SRCIN1: variants seen among roughly 807,000 people sequenced by gnomAD.
SRCIN1 encodes SRC kinase signaling inhibitor 1.
SRCIN1 carries 50 observed loss-of-function variants against 116.2 expected under a neutral mutation model. That is an observed-to-expected ratio of 0.43 (90% CI 0.34 to 0.54). SRCIN1 has a LOEUF of 0.54. SRCIN1 is among the 20% of genes least tolerant of loss of function. The probability of loss-of-function intolerance (pLI) is 0.02; values close to 1 mark genes in which losing one functional copy is unlikely to be tolerated. For missense variants in SRCIN1, 1,446 were observed against 1,672.0 expected (o/e 0.86, Z 2.36); for synonymous variants, 736 against 750.0 (o/e 0.98, Z 0.30).
chr17:38,539,453 C>T (rs1382978376), intron 18 of SRCIN1, among the ~76,000 whole-genome samples: 1 of 152,188 alleles, frequency 6.6e-6, no homozygotes, highest in Non-Finnish European at 1.5e-5. Context: ...CCTTTGCTGA[C>T]TGGACTCTGG....
In SRCIN1 at chr17:38,549,224, G is replaced by A; in HGVS notation, c.2963-14C>T. The A allele has an allele frequency of 6.7e-7, 1 of 1,501,232 alleles. No homozygotes were observed. The highest frequency in any genetic ancestry group is 8.8e-7 in the Non-Finnish European group (1 of 1,130,114). 93.0% of individuals were successfully genotyped at this position (1,501,232 alleles called of 1,614,324 possible). ...CGGTCAACTCATCTGCAGGCACCAA[G>A]GGGCTGGGGGTCAGCAGGCCTGCAA... On this transcript the variant is annotated splice_polypyrimidine_tract_variant and intron_variant, in intron 15 of 18. Transcript: ENST00000617146.
At chr17:38,535,127 GTTTT>G (rs969300592) in intron 18 of SRCIN1, among the ~76,000 whole-genome samples, 6 of 142,822 alleles carry the variant, frequency 4.2e-5, no homozygotes, top group African/African-American at 3.0e-5. Context: ...ATGAGGCCCT[GTTTT>G]TTTGTTTGTT....
rs776919767 is a variant in SRCIN1 at position 38,559,693 on chromosome 17, T to C, written c.1917A>G (p.Ala639=). 1 of 1,588,578 alleles carries C rather than the reference T, an allele frequency of 6.3e-7. No homozygotes were observed. The highest frequency in any genetic ancestry group is 1.7e-5 in the Admixed American group (1 of 58,556). The change falls in exon 10 of 19, where the codon GCA becomes GCG. Residue 639 remains alanine (A), a synonymous_variant. Coordinates refer to ENST00000617146, the MANE Select transcript of SRCIN1 (RefSeq NM_025248.3). ...GCCGGCTAACGGCGGTAGGCTGACC[T>C]GCGGGGGTGCTGCTGGCCGAGGGCG... is the stretch of plus-strand genomic sequence containing the variant. ...PPPPSASSTP[A]GQPTAVSRLQ...
chr17:38,555,886 G>C lies in SRCIN1; in HGVS notation c.2201+2341C>G, dbSNP rs142877760. ...CACTCCCAAACATCACTCAGAGGGGGAAGAGACTCTCATGTAAAGGACTCA... is the reference window on the plus strand; with the variant it reads ...CACTCCCAAACATCACTCAGAGGGGCAAGAGACTCTCATGTAAAGGACTCA... On this transcript the variant is annotated intron_variant, in intron 11 of 18. Coordinates refer to ENST00000617146, the MANE Select transcript of SRCIN1 (RefSeq NM_025248.3). Among the ~76,000 whole-genome samples the C allele has an allele frequency of 3.7e-3, 565 of 152,334 alleles. 3 individuals carry two copies. Among genetic ancestry groups the C allele is most frequent in the African/African-American group, 0.013 (549 of 41,568 alleles).
intron 10 of SRCIN1, 52 bp downstream of exon 10, chr17:38,559,533 C>CTTCT: frequency 4.5e-6 from 7 of 1,566,484 alleles, no homozygotes; most frequent in African/African-American, 4.1e-5. Context: ...CGGCAAGGGA[C>CTTCT]TTCTACCAGT....
At chr17:38,547,701 G>A in intron 17 of SRCIN1, 1 of 292,118 alleles carries the variant, frequency 3.4e-6, no homozygotes, top group Admixed American at 5.2e-5. Flanking sequence ...GTGAGGAGAG[G>A]AAGCTGTGGG....
chr17:38,585,304 C>T lies in SRCIN1; in HGVS notation c.23-6513G>A, dbSNP rs917760568. ...ACACACAGCATGAGGCTCCCCCAGT[C>T]CCTCCTCTGCAGCCAATGCTACAGG... On this transcript the variant is annotated intron_variant, in intron 1 of 18. Transcript: ENST00000617146. The surrounding 1 kb of genome is among the most constrained non-coding windows in gnomAD (Gnocchi z 4.2). Among the ~76,000 whole-genome samples, 2 of 152,200 alleles carry T rather than the reference C, an allele frequency of 1.3e-5. No homozygotes were observed. The highest frequency in any genetic ancestry group is 2.9e-5 in the Non-Finnish European group (2 of 68,030).
At chr17:38,564,002 A>C (rs1448989820) in intron 4 of SRCIN1, 116 bp downstream of exon 4, 2 of 1,212,574 alleles carry the variant, frequency 1.6e-6, no homozygotes, top group Non-Finnish European at 2.3e-6. Flanking sequence ...GGCTGTGGGA[A>C]AGAGAGCAGA....
chr17:38,588,811 A>G (rs966451352), intron 1 of SRCIN1, among the ~76,000 whole-genome samples: 1 of 152,162 alleles, frequency 6.6e-6, no homozygotes, highest in African/African-American at 2.4e-5. Flanking sequence ...CCAAGTACTC[A>G]TCAACGGGCT....
chr17:38,593,933 C>G (rs1470026771), intron 1 of SRCIN1, among the ~76,000 whole-genome samples: 9 of 152,246 alleles, frequency 5.9e-5, no homozygotes, highest in Non-Finnish European at 1.3e-4. Flanking sequence ...ACATCTTATT[C>G]CACTCTGGCT....
Position 38,563,902 on chromosome 17 carries a change from GGA to G in SRCIN1, c.541+214_541+215del. On this transcript the variant is annotated intron_variant, in intron 4 of 18. Coordinates refer to ENST00000617146, the MANE Select transcript of SRCIN1 (RefSeq NM_025248.3). This position sits in a 1 kb window ranked among gnomAD's most constrained non-coding sequence, Gnocchi z 5.8. ...AAAGGGACAGAAAAGGAAGCAAGAG[GGA>G]GAGAGGAGGCTTGGAGGGAAAGGGG... is the stretch of plus-strand genomic sequence containing the variant. 1 of 616,938 alleles carries G rather than the reference GGA, an allele frequency of 1.6e-6. No homozygotes were observed. Among genetic ancestry groups the G allele is most frequent in the Non-Finnish European group, 2.9e-6 (1 of 350,672 alleles). The allele number at this position is 616,938 out of a possible 1,614,324, so 38.2% of individuals were successfully genotyped here.
At chr17:38,598,794 G>A (rs537936308) in intron 1 of SRCIN1, among the ~76,000 whole-genome samples, 21 of 152,310 alleles carry the variant, frequency 1.4e-4, no homozygotes, top group Admixed American at 1.0e-3. Flanking sequence ...GAGAAAACCC[G>A]AATTGGATTA....
chr17:38,595,679 C>G (rs770589460), intron 1 of SRCIN1, among the ~76,000 whole-genome samples: 1 of 152,232 alleles, frequency 6.6e-6, no homozygotes, highest in Non-Finnish European at 1.5e-5. Context: ...GGGCTTCCCC[C>G]CATAAGAGGT....
chr17:38,550,376 C>G (rs934466049), intron 15 of SRCIN1, among the ~76,000 whole-genome samples: 25 of 152,212 alleles, frequency 1.6e-4, no homozygotes, highest in African/African-American at 6.0e-4. Flanking sequence ...CGCCTGTAGT[C>G]CCAGCTACTC....
chr17:38,589,292 G>A (rs985926057), intron 1 of SRCIN1, among the ~76,000 whole-genome samples: 1 of 152,190 alleles, frequency 6.6e-6, no homozygotes, highest in Admixed American at 6.5e-5. Flanking sequence ...GGCCCACCAG[G>A]GTGCCCCACT....
chr17:38,586,861 G>T (rs1908142323), intron 1 of SRCIN1, among the ~76,000 whole-genome samples: 1 of 152,240 alleles, frequency 6.6e-6, no homozygotes, highest in Non-Finnish European at 1.5e-5. Flanking sequence ...CCTCTTCGAG[G>T]CTGGGGGAAG....
intron 18 of SRCIN1, chr17:38,542,915 C>T: frequency 2.6e-6 from 1 of 379,060 alleles, no homozygotes; most frequent in South Asian, 1.9e-5. Flanking sequence ...TAAGTGAGAG[C>T]ATCTGGACAT....
chr17:38,583,000 C>T (rs991239844), intron 1 of SRCIN1, among the ~76,000 whole-genome samples: 14 of 152,164 alleles, frequency 9.2e-5, no homozygotes, highest in African/African-American at 3.4e-4. Flanking sequence ...GAAATCAGAA[C>T]ACTGGGAGAG....
At chr17:38,605,655 C>T in intron 1 of SRCIN1, 29 bp downstream of exon 1, 1 of 1,383,980 alleles carries the variant, frequency 7.2e-7, no homozygotes, top group Non-Finnish European at 9.4e-7. Context: ...CATGGAGGCA[C>T]ATTAGGGAGG....
Sources: allele counts gnomAD v4.1 joint callset (sites outside exome capture counted in the v4.1 genomes callset), GRCh38; gene constraint gnomAD v4.1.1; non-coding constraint Gnocchi (gnomAD v3.1); transcripts MANE v1.5; gene names NCBI Gene and HGNC (gene_info 2026-07-23, HGNC 2026-07-21).